The following ZFP1 variants were observed in gnomAD, a reference collection of about 807,000 sequenced individuals.
The protein encoded by ZFP1 is ZFP1 zinc finger protein, also known as zinc finger protein 1 homolog.
In ZFP1, 32 loss-of-function variants were observed where a neutral mutation model predicts 38.5. That is an observed-to-expected ratio of 0.83 (90% CI 0.63 to 1.12). The LOEUF is 1.12. Among genes scored for constraint, ZFP1 ranks in the 50% most tolerant of loss-of-function variants. The probability of loss-of-function intolerance (pLI) is 0.00; values close to 1 mark genes in which losing one functional copy is unlikely to be tolerated. For synonymous variants in ZFP1, 245 were observed against 168.8 expected (o/e 1.45, Z -3.50); for missense variants, 616 against 480.8 (o/e 1.28, Z -2.63).
chr16:75,122,768 T>C, the ZFP1 span, among the ~76,000 whole-genome samples: 7,517 of 152,276 alleles, frequency 0.049, 621 homozygotes, highest in African/African-American at 0.17. Flanking sequence ...CAAAGCTAAA[T>C]TATAAGTTCC....
chr16:75,170,337 C>G lies in ZFP1; in HGVS notation c.*3C>G, dbSNP rs754596472. The stretch of plus-strand genomic sequence containing the variant: ...TTCACATCGGGGAGAAACCCTGAAA[C>G]TCCAGCCAGGTCTTACTGTGGAAAA... On this transcript the variant is annotated 3_prime_UTR_variant, in exon 4 of 4. Coordinates refer to ENST00000570010, the MANE Select transcript of ZFP1 (RefSeq NM_153688.4). 4.0e-5 allele frequency: 63 copies of G among 1,563,556 alleles called. No homozygotes were observed. Among genetic ancestry groups the G allele is most frequent in the Non-Finnish European group, 5.3e-5 (61 of 1,154,514 alleles).
At chr16:75,138,959 T>C in the ZFP1 span, among the ~76,000 whole-genome samples, 7 of 152,160 alleles carry the variant, frequency 4.6e-5, no homozygotes, top group South Asian at 2.1e-4. Flanking sequence ...AGTGGCACTT[T>C]ACCTCTAGGA....
At chr16:75,149,154 C>T (rs1317682623) in intron 1 of ZFP1, 1 of 152,190 alleles carries the variant, frequency 6.6e-6, no homozygotes, top group Non-Finnish European at 1.5e-5. Context: ...CCCTGATCCT[C>T]GCATCCACCC....
At chr16:75,135,064 A>G in the ZFP1 span, among the ~76,000 whole-genome samples, 2 of 151,440 alleles carry the variant, frequency 1.3e-5, no homozygotes, top group African/African-American at 4.9e-5. Context: ...CAAAAAAAAA[A>G]CAAAAAAAAC....
chr16:75,166,918 A>T, intron 3 of ZFP1, 22 bp downstream of exon 3: 1 of 1,610,424 alleles, frequency 6.2e-7, no homozygotes, highest in Non-Finnish European at 8.5e-7. Flanking sequence ...TTTCAGGTAC[A>T]GCTCACCATG....
chr16:75,145,722 T>C (rs933600170), upstream of ZFP1, among the ~76,000 whole-genome samples: 1 of 152,118 alleles, frequency 6.6e-6, no homozygotes, highest in Non-Finnish European at 1.5e-5. Flanking sequence ...ACGATTATCT[T>C]CCCACGCCAT....
chr16:75,155,569 T>C (rs2037429884), intron 2 of ZFP1, among the ~76,000 whole-genome samples: 2 of 152,236 alleles, frequency 1.3e-5, no homozygotes, highest in South Asian at 4.1e-4. Flanking sequence ...TATTAAGACA[T>C]AACACTCTTT....
intron 1 of ZFP1, among the ~76,000 whole-genome samples, chr16:75,149,557 C>CT (rs34371791): frequency 0.2 from 19,827 of 100,940 alleles, 3,711 homozygotes; most frequent in East Asian, 0.58. Context: ...TCTTTACTTT[C>CT]TTTTTTTTTT....
chr16:75,132,454 T>C, the ZFP1 span: 1 of 152,014 alleles, frequency 6.6e-6, no homozygotes, highest in East Asian at 1.9e-4. Flanking sequence ...TGCATCCTTG[T>C]GGTATTGAAT....
the ZFP1 span, among the ~76,000 whole-genome samples, chr16:75,136,405 T>C: frequency 1.2e-4 from 18 of 152,304 alleles, no homozygotes; most frequent in African/African-American, 4.3e-4. Context: ...GGAACAATAG[T>C]CAATAGTTGG....
chr16:75,133,395 T>C, the ZFP1 span, among the ~76,000 whole-genome samples: 5 of 152,140 alleles, frequency 3.3e-5, no homozygotes, highest in African/African-American at 1.2e-4. Flanking sequence ...CAGTATTCAA[T>C]AGTTACCTTT....
At chr16:75,167,540 T>G (rs1567540411) in intron 3 of ZFP1, among the ~76,000 whole-genome samples, 1 of 152,194 alleles carries the variant, frequency 6.6e-6, no homozygotes, top group Non-Finnish European at 1.5e-5. Context: ...CTAGGTTGAT[T>G]CCATGTCTTT....
chr16:75,140,961 A>G, the ZFP1 span, among the ~76,000 whole-genome samples: 1 of 152,070 alleles, frequency 6.6e-6, no homozygotes, highest in Admixed American at 6.6e-5. Context: ...TCCATCTCAA[A>G]AAAACACAAC....
At chr16:75,150,177 A>G (rs1385288583) in intron 1 of ZFP1, among the ~76,000 whole-genome samples, 1 of 148,428 alleles carries the variant, frequency 6.7e-6, no homozygotes, top group Non-Finnish European at 1.5e-5. Flanking sequence ...ATTGTATTGC[A>G]TAATTTCCAA....
At chr16:75,162,420 C>T (rs1181314120) in intron 2 of ZFP1, among the ~76,000 whole-genome samples, 1 of 152,170 alleles carries the variant, frequency 6.6e-6, no homozygotes, top group Non-Finnish European at 1.5e-5. Flanking sequence ...CTGCGTCCAG[C>T]CCAAGTATAG....
intron 1 of ZFP1, chr16:75,149,150 T>G (rs1279654917): frequency 6.6e-6 from 1 of 152,160 alleles, no homozygotes; most frequent in Non-Finnish European, 1.5e-5. Context: ...GTTCCCCTGA[T>G]CCTCGCATCC....
At chr16:75,123,429 A>ATGTGTGTGTGTGTGTGTGTGTG in the ZFP1 span, among the ~76,000 whole-genome samples, 3 of 31,682 alleles carry the variant, frequency 9.5e-5, no homozygotes, top group South Asian at 9.6e-4. Flanking sequence ...ATATATAAGA[A>ATGTGTGTGTGTGTGTGTGTGTG]TGTGTGTGTG....
At chr16:75,142,123 C>A in the ZFP1 span, among the ~76,000 whole-genome samples, 1 of 146,852 alleles carries the variant, frequency 6.8e-6, no homozygotes, top group African/African-American at 2.5e-5. Flanking sequence ...TTTGGGAGGC[C>A]AAGGCAGGCA....
intron 3 of ZFP1, among the ~76,000 whole-genome samples, chr16:75,167,294 A>G (rs767674940): frequency 1.2e-4 from 19 of 152,144 alleles, no homozygotes; most frequent in Non-Finnish European, 2.2e-4. Flanking sequence ...CTTTTCAGCA[A>G]TCTGTTTTTC....
Sources: gnomAD v4.1 joint callset for allele counts (sites outside exome capture counted in the v4.1 genomes callset) on GRCh38, gnomAD v4.1.1 for gene constraint, MANE v1.5 for transcripts, NCBI Gene and HGNC (gene_info 2026-07-23, HGNC 2026-07-21) for gene names.